The following ETS1 variants were observed in gnomAD, a reference collection of about 807,000 sequenced individuals.
The protein encoded by ETS1 is protein C-ets-1.
ETS1 carries 15 observed loss-of-function variants against 58.6 expected under a neutral mutation model. That is an observed-to-expected ratio of 0.26 (90% CI 0.17 to 0.39). The LOEUF (loss-of-function observed/expected upper bound fraction) is 0.39. ETS1 is among the 10% of genes least tolerant of loss of function. ETS1 has a pLI of 1.00. For missense variants in ETS1, 417 were observed against 610.5 expected, an observed-to-expected ratio of 0.68 and a Z score of 3.34; for synonymous variants, 214 against 218.2, an observed-to-expected ratio of 0.98 and a Z score of 0.17.
At chr11:128,577,397 C>T (rs957483666) in intron 1 of ETS1, among the ~76,000 whole-genome samples, 12 of 152,294 alleles carry the variant, frequency 7.9e-5, no homozygotes, top group African/African-American at 2.2e-4. Flanking sequence ...CGCCTTTCTC[C>T]GTACTCTGAC....
chr11:128,535,398 G>C (rs527997963), intron 3 of ETS1, among the ~76,000 whole-genome samples: 9 of 152,176 alleles, frequency 5.9e-5, no homozygotes, highest in Non-Finnish European at 1.2e-4. Context: ...TCTGATGCTA[G>C]TTTCTTTTGC....
chr11:128,496,245 T>C lies in ETS1; in HGVS notation c.215-5669A>G, dbSNP rs1256424991. Among the ~76,000 whole-genome samples the C allele has an allele frequency of 6.4e-4, 97 of 152,180 alleles. 1 individual carries two copies. The highest frequency in any genetic ancestry group is 3.1e-4 in the Non-Finnish European group (21 of 67,988). The stretch of plus-strand genomic sequence containing the variant: ...CACAGAACTTCTTTCAAAGCAACAC[T>C]GTCATGATCTGGAAAGTGCCAATGT... On this transcript the variant is annotated intron_variant, in intron 3 of 9. Transcript: ENST00000392668.
Position 128,484,823 on chromosome 11 carries a change from C to T in ETS1, c.862G>A (p.Gly288Ser), listed in dbSNP as rs370692228. 20 of 1,612,772 alleles carry T rather than the reference C, an allele frequency of 1.2e-5. No individual in the cohort carries two copies. The highest frequency in any genetic ancestry group is 1.6e-5 in the Non-Finnish European group (19 of 1,179,000). The change falls in exon 7 of 10, where the codon GGT becomes AGT. Residue 288 changes from glycine to serine, a missense_variant and splice_region_variant. Gly to Ser is a moderately conservative substitution (Grantham distance 56, BLOSUM62 0). Around this residue, in one of 4 missense-constraint regions of ETS1, gnomAD observed 139 missense variants for 152.1 expected, o/e 0.91. Transcript: ENST00000392668. The stretch of plus-strand genomic sequence containing the variant: ...CTTTTAGAGAAGAAATATGACCTAC[C>T]ACGACTGGTCCTCCCCATGCACATG... Reference protein sequence around the residue: ...DNMCMGRTSRGKLGGQDSFES... With the variant: ...DNMCMGRTSRSKLGGQDSFES...
At chr11:128,561,153 C>T (rs1864399309) in intron 2 of ETS1, among the ~76,000 whole-genome samples, 1 of 152,114 alleles carries the variant, frequency 6.6e-6, no homozygotes, top group Non-Finnish European at 1.5e-5. Context: ...AGTAGTAAAA[C>T]TTCAAGCCGG....
rs932069909 is a variant in ETS1, at chr11:128,471,834, T to C, written c.1124-8207A>G. 4.6e-5 allele frequency among the ~76,000 whole-genome samples: 7 copies of C among 152,234 alleles called. No individual in the cohort carries two copies. In the East Asian group the frequency reaches 1.2e-3, roughly 25 times the overall value. On this transcript the variant is annotated intron_variant, in intron 8 of 9. Coordinates refer to ENST00000392668, the MANE Select transcript of ETS1 (RefSeq NM_001143820.2). Reference sequence around the variant, plus strand: ...CAGGACTTTAGAAGTCTGAAGATTATAGTCTTTTCTCAGTAGGATTCTCAA... The same window carrying C: ...CAGGACTTTAGAAGTCTGAAGATTACAGTCTTTTCTCAGTAGGATTCTCAA...
intron 1 of ETS1, among the ~76,000 whole-genome samples, chr11:128,573,990 T>C (rs1216308015): frequency 6.6e-6 from 1 of 152,248 alleles, no homozygotes; most frequent in Non-Finnish European, 1.5e-5. Context: ...TTCACTGCTT[T>C]CCAGTTTGTA....
At chr11:128,530,370 T>G (rs919256955) in intron 3 of ETS1, 1 of 151,874 alleles carries the variant, frequency 6.6e-6, no homozygotes, top group African/African-American at 2.4e-5. Context: ...GTTGAGTTGG[T>G]GAAAAGAAGA....
chr11:128,585,864 C>A (rs563618098), intron 1 of ETS1, among the ~76,000 whole-genome samples: 1 of 152,332 alleles, frequency 6.6e-6, no homozygotes, highest in South Asian at 2.1e-4. Flanking sequence ...CCTTCTCCGA[C>A]CCAGCGCTGG....
At chr11:128,506,396 C>T (rs1293764696) in intron 3 of ETS1, among the ~76,000 whole-genome samples, 1 of 152,180 alleles carries the variant, frequency 6.6e-6, no homozygotes, top group Non-Finnish European at 1.5e-5. Context: ...CAGAGTTTCC[C>T]TCTAGTGGGA....
intron 3 of ETS1, among the ~76,000 whole-genome samples, chr11:128,545,981 AG>A (rs1864127152): frequency 6.6e-6 from 1 of 152,250 alleles, no homozygotes; most frequent in Admixed American, 6.5e-5. Flanking sequence ...TCAACTCTCC[AG>A]GAACAGCCCA....
chr11:128,505,793 C>A (rs1711839712), intron 3 of ETS1, among the ~76,000 whole-genome samples: 1 of 152,182 alleles, frequency 6.6e-6, no homozygotes, highest in Admixed American at 6.5e-5. Flanking sequence ...GGATGTGCAG[C>A]CCTCATCCGC....
chr11:128,480,310 T>G lies in ETS1; in HGVS notation c.1004A>C (p.Tyr335Ser), dbSNP rs1170706978. 1.2e-6 allele frequency: 2 copies of G among 1,614,114 alleles called. No individual in the cohort carries two copies. The highest frequency in any genetic ancestry group is 1.3e-5 in the African/African-American group (1 of 75,024). ...PSYDSFDSED[Y>S]PAALPNHKPK... ...CTTGTGGTTGGGCAGGGCAGCCGGATAGTCCTCTGAGTCGAAGCTGTCATA... is the reference window on the plus strand; with the variant it reads ...CTTGTGGTTGGGCAGGGCAGCCGGAGAGTCCTCTGAGTCGAAGCTGTCATA... Residue 335 changes from tyrosine (Y) to serine (S), a missense_variant, in exon 8 of 10, where the codon TAT (tyrosine) becomes TCT (serine). Tyr to Ser is a moderately radical substitution (Grantham distance 144, BLOSUM62 -2). This residue lies in a region of ETS1 where 139 missense variants were observed against 152.1 expected (regional missense o/e 0.91). Transcript: ENST00000392668.
chr11:128,485,996 G>A (rs1244265219), intron 6 of ETS1, 73 bp downstream of exon 6: 8 of 845,258 alleles, frequency 9.5e-6, no homozygotes, highest in Non-Finnish European at 1.6e-5. Context: ...GAAGGAGCCT[G>A]AGATTCACTG....
chr11:128,579,993 C>T (rs1864832811), intron 1 of ETS1, among the ~76,000 whole-genome samples: 1 of 151,672 alleles, frequency 6.6e-6, no homozygotes, highest in African/African-American at 2.4e-5. Context: ...CCTGTTTCTG[C>T]TCCTGAATGA....
intron 3 of ETS1, among the ~76,000 whole-genome samples, chr11:128,535,673 T>C (rs1342114824): frequency 6.6e-6 from 1 of 152,152 alleles, no homozygotes; most frequent in African/African-American, 2.4e-5. Flanking sequence ...ATGGCAAAAA[T>C]CACTCACTGC....
chr11:128,585,064 GA>G (rs1159376230), intron 1 of ETS1, among the ~76,000 whole-genome samples: 1 of 20,750 alleles, frequency 4.8e-5, no homozygotes, highest in Non-Finnish European at 8.1e-5. Flanking sequence ...AAGAAAGAAA[GA>G]AAGAAAGAAA....
At chr11:128,581,351 A>G (rs1681069204) in intron 1 of ETS1, among the ~76,000 whole-genome samples, 1 of 152,184 alleles carries the variant, frequency 6.6e-6, no homozygotes, top group African/African-American at 2.4e-5. Flanking sequence ...ATCTTCCTGA[A>G]GATCAAAGGT....
At chr11:128,540,447 G>A (rs1010778646) in intron 3 of ETS1, among the ~76,000 whole-genome samples, 53 of 151,868 alleles carry the variant, frequency 3.5e-4, no homozygotes, top group Non-Finnish European at 4.3e-4. Context: ...TATAGTATGT[G>A]AATTATATCT....
At chr11:128,582,129 GA>G (rs1258025425) in intron 1 of ETS1, among the ~76,000 whole-genome samples, 1 of 152,136 alleles carries the variant, frequency 6.6e-6, no homozygotes, top group Non-Finnish European at 1.5e-5. Context: ...TTTGGAGTTG[GA>G]AAAAATTCAT....
Sources: allele counts gnomAD v4.1 joint callset (sites outside exome capture counted in the v4.1 genomes callset), GRCh38; gene constraint gnomAD v4.1.1; regional missense constraint gnomAD v4.1.1; transcripts MANE v1.5; gene names NCBI Gene and HGNC (gene_info 2026-07-23, HGNC 2026-07-21).